TMCC1: variants seen among roughly 807,000 people sequenced by gnomAD.
TMCC1 encodes the protein transmembrane and coiled-coil domains protein 1.
A neutral mutation model predicts 52.4 loss-of-function variants in TMCC1; 15 were observed. That is an observed-to-expected ratio of 0.29 (90% CI 0.19 to 0.44). TMCC1 has a LOEUF of 0.44. Ranked by LOEUF, TMCC1 falls within the 20% of genes least tolerant of loss-of-function variation. The pLI, the probability that TMCC1 is intolerant of heterozygous loss-of-function variation, is 1.00. For missense variants in TMCC1, 503 were observed against 806.0 expected (o/e 0.62, Z 4.55); for synonymous variants, 279 against 301.9 (o/e 0.92, Z 0.79).
chr3:129,783,981 T>C (rs896429898), intron 4 of TMCC1, among the ~76,000 whole-genome samples: 1 of 152,198 alleles, frequency 6.6e-6, no homozygotes, highest in East Asian at 1.9e-4. Flanking sequence ...ATTCAACAAA[T>C]ATTTGGTATC....
intron 2 of TMCC1, among the ~76,000 whole-genome samples, chr3:129,868,134 A>AT (rs2060740024): frequency 2.3e-4 from 1 of 4,386 alleles, no homozygotes; most frequent in Non-Finnish European, 6.2e-3. Context: ...AGGCAGGCAG[A>AT]GGGGGGAAAA....
chr3:129,802,192 T>C (rs550649008), intron 4 of TMCC1, among the ~76,000 whole-genome samples: 78 of 152,360 alleles, frequency 5.1e-4, no homozygotes, highest in African/African-American at 1.6e-3. Flanking sequence ...AACTGTAAAG[T>C]TGGGTTATCA....
intron 4 of TMCC1, among the ~76,000 whole-genome samples, chr3:129,781,527 C>T (rs1040851458): frequency 6.6e-6 from 1 of 152,116 alleles, no homozygotes; most frequent in Admixed American, 6.6e-5. Context: ...CAATTAAATA[C>T]AACTTAGTTT....
chr3:129,797,588 A>G (rs963757192), intron 4 of TMCC1, among the ~76,000 whole-genome samples: 2 of 151,984 alleles, frequency 1.3e-5, no homozygotes, highest in African/African-American at 4.8e-5. Context: ...CAAAAAACAC[A>G]CAAAAAATTA....
At chr3:129,752,470 T>C (rs950856785) in intron 4 of TMCC1, among the ~76,000 whole-genome samples, 1 of 152,172 alleles carries the variant, frequency 6.6e-6, no homozygotes, top group Admixed American at 6.5e-5. Context: ...CCCCAGCCAC[T>C]TGAAAATGAC....
chr3:129,780,305 G>A (rs72985368), intron 4 of TMCC1, among the ~76,000 whole-genome samples: 14,730 of 152,012 alleles, frequency 0.097, 841 homozygotes, highest in Middle Eastern at 0.16. Context: ...TATTTGTAAA[G>A]TGAACAGGTT....
In TMCC1 at chr3:129,648,496, C is replaced by T. The variant is rs780244698; in HGVS notation, c.*2985G>A. The T allele has an allele frequency of 2.0e-5, 3 of 152,164 alleles. No individual in the cohort carries two copies. Among genetic ancestry groups the T allele is most frequent in the African/African-American group, 7.2e-5 (3 of 41,434 alleles). 9.4% of individuals were successfully genotyped at this position (152,164 alleles called of 1,614,324 possible). ...GGAAAGCCTTCCTTACTAGGACATACTGAGTATACCAAGGAATGGAAATTG... is the reference window on the plus strand; with the variant it reads ...GGAAAGCCTTCCTTACTAGGACATATTGAGTATACCAAGGAATGGAAATTG... On this transcript the variant is annotated 3_prime_UTR_variant, in exon 7 of 7. Transcript: ENST00000393238.
At chr3:129,859,317 T>C (rs1030403720) in intron 2 of TMCC1, among the ~76,000 whole-genome samples, 1 of 152,154 alleles carries the variant, frequency 6.6e-6, no homozygotes, top group African/African-American at 2.4e-5. Flanking sequence ...AAACAAATGA[T>C]TTAAGTATGA....
intron 2 of TMCC1, among the ~76,000 whole-genome samples, chr3:129,843,080 C>T (rs1335806785): frequency 6.6e-6 from 1 of 152,170 alleles, no homozygotes; most frequent in Non-Finnish European, 1.5e-5. Flanking sequence ...GGTGTGGTGG[C>T]TCACGCCTAT....
chr3:129,682,351 C>T lies in TMCC1; in HGVS notation c.577-11087G>A, dbSNP rs186990340. On this transcript the variant is annotated intron_variant, in intron 4 of 6. Coordinates refer to ENST00000393238, the MANE Select transcript of TMCC1 (RefSeq NM_001017395.5). ...ATCATGAAGAAGAAAATATAAACTA[C>T]AAATTGTTTTCAAATGAAATACTCA... Among the ~76,000 whole-genome samples, 498 of 152,230 alleles carry T rather than the reference C, an allele frequency of 3.3e-3. 2 individuals carry two copies. Among genetic ancestry groups the T allele is most frequent in the Non-Finnish European group, 5.4e-3 (364 of 68,012 alleles).
chr3:129,868,422 T>C (rs546194712), intron 2 of TMCC1, among the ~76,000 whole-genome samples: 15 of 152,290 alleles, frequency 9.8e-5, no homozygotes, highest in African/African-American at 3.6e-4. Flanking sequence ...TCCTCAGGAA[T>C]ATGGCATTTA....
chr3:129,811,540 T>A (rs2057808008), intron 4 of TMCC1, among the ~76,000 whole-genome samples: 1 of 152,008 alleles, frequency 6.6e-6, no homozygotes, highest in South Asian at 2.1e-4. Flanking sequence ...AGTGCTGGGA[T>A]TAGGGGCATG....
intron 1 of TMCC1, among the ~76,000 whole-genome samples, chr3:129,886,789 T>A (rs2061726305): frequency 6.7e-6 from 1 of 148,838 alleles, no homozygotes. Flanking sequence ...AAAAAAAAAA[T>A]TAGCCAGGTG....
At chr3:129,822,534 A>G (rs1380227741) in intron 4 of TMCC1, among the ~76,000 whole-genome samples, 1 of 152,172 alleles carries the variant, frequency 6.6e-6, no homozygotes, top group Non-Finnish European at 1.5e-5. Context: ...AAACAAGCTG[A>G]TCTAGCAACC....
At chr3:129,827,059 C>T (rs181774455) in intron 4 of TMCC1, among the ~76,000 whole-genome samples, 158 of 152,270 alleles carry the variant, frequency 1.0e-3, no homozygotes, top group African/African-American at 3.4e-3. Flanking sequence ...TAAGACATTG[C>T]CTCTGTTAAA....
chr3:129,715,704 G>GTA (rs935901289), intron 4 of TMCC1, among the ~76,000 whole-genome samples: 13 of 151,800 alleles, frequency 8.6e-5, no homozygotes, highest in Admixed American at 2.6e-4. Flanking sequence ...AATTTTTATG[G>GTA]TATATATATA....
intron 4 of TMCC1, among the ~76,000 whole-genome samples, chr3:129,771,797 AAAG>A (rs1344907598): frequency 2.3e-5 from 2 of 86,888 alleles, no homozygotes; most frequent in Middle Eastern, 0.011. Flanking sequence ...AAAAAAAAAA[AAAG>A]AAGAAGAAGA....
chr3:129,806,870 C>G (rs1218275782), intron 4 of TMCC1, among the ~76,000 whole-genome samples: 7 of 151,414 alleles, frequency 4.6e-5, no homozygotes, highest in Non-Finnish European at 1.0e-4. Flanking sequence ...AGGAAATCTA[C>G]CAGAAATTAG....
At chr3:129,790,973 A>G (rs1250094536) in intron 4 of TMCC1, among the ~76,000 whole-genome samples, 1 of 152,192 alleles carries the variant, frequency 6.6e-6, no homozygotes, top group African/African-American at 2.4e-5. Context: ...TCTATAGGAA[A>G]GGGCTGCTCT....
Sources: allele counts gnomAD v4.1 joint callset (sites outside exome capture counted in the v4.1 genomes callset), GRCh38; gene constraint gnomAD v4.1.1; transcripts MANE v1.5; gene names NCBI Gene and HGNC (gene_info 2026-07-23, HGNC 2026-07-21).